SLX9: variants seen among roughly 807,000 people sequenced by gnomAD.
SLX9 encodes ribosome biogenesis protein SLX9 homolog.
In SLX9, 19 loss-of-function variants were observed where a neutral mutation model predicts 20.8. That is an observed-to-expected ratio of 0.91 (90% CI 0.64 to 1.34). The LOEUF (loss-of-function observed/expected upper bound fraction) is 1.34, where lower values mean the gene tolerates loss of function less well. Among genes scored for constraint, SLX9 ranks in the 40% most tolerant of loss-of-function variants. The pLI, the probability that SLX9 is intolerant of heterozygous loss-of-function variation, is 0.00. For synonymous variants in SLX9, 113 were observed against 137.1 expected, an observed-to-expected ratio of 0.82 and a Z score of 1.23; for missense variants, 299 against 322.2, an observed-to-expected ratio of 0.93 and a Z score of 0.55.
chr21:44,948,288 C>T (rs1568930314), intron 2 of SLX9, among the ~76,000 whole-genome samples: 5 of 139,646 alleles, frequency 3.6e-5, no homozygotes, highest in African/African-American at 8.3e-5. Context: ...GGGAGCTGGT[C>T]GTGGAGCATC....
intron 2 of SLX9, 150 bp from the exon 3 acceptor site, chr21:44,959,950 C>T (rs2084924709): frequency 1.4e-6 from 1 of 692,530 alleles, no homozygotes; most frequent in Non-Finnish European, 2.6e-6. Flanking sequence ...CTGGTGCTGT[C>T]CAGAGCCGGG....
At chr21:44,971,361 G>T (rs570356953) in intron 4 of SLX9, among the ~76,000 whole-genome samples, 5 of 121,350 alleles carry the variant, frequency 4.1e-5, no homozygotes, top group African/African-American at 1.6e-4. Flanking sequence ...CTCTGTCCCC[G>T]GGGCCCTGAA....
chr21:44,939,733 C>T (rs2084503490), upstream of SLX9: 1 of 509,852 alleles, frequency 2.0e-6, no homozygotes, highest in Non-Finnish European at 3.8e-6. Flanking sequence ...AAGGCCATCT[C>T]GACTGCCGCG....
chr21:44,976,582 C>G, intron 5 of SLX9, 98 bp from the exon 6 acceptor site: 1 of 1,500,122 alleles, frequency 6.7e-7, no homozygotes, highest in Non-Finnish European at 9.0e-7. Context: ...TGGCCCCAGG[C>G]CTCTGCCATT....
At chr21:44,947,496 G>A (rs1426282220) in intron 2 of SLX9, among the ~76,000 whole-genome samples, 2 of 150,370 alleles carry the variant, frequency 1.3e-5, no homozygotes, top group Non-Finnish European at 3.0e-5. Context: ...GCCCTGGGAA[G>A]TGGTGGGGCT....
intron 2 of SLX9, among the ~76,000 whole-genome samples, chr21:44,944,052 G>T (rs1229688970): frequency 6.6e-6 from 1 of 152,246 alleles, no homozygotes; most frequent in Non-Finnish European, 1.5e-5. Flanking sequence ...AGCTCTGCAA[G>T]AACTGCTCTG....
intron 2 of SLX9, among the ~76,000 whole-genome samples, chr21:44,957,373 G>A (rs1158044464): frequency 6.6e-6 from 1 of 152,166 alleles, no homozygotes. Context: ...TCGTGAGCCC[G>A]GTGCCTCTAT....
chr21:44,960,293 G>C, intron 3 of SLX9, 125 bp downstream of exon 3: 1 of 885,280 alleles, frequency 1.1e-6, no homozygotes, highest in Non-Finnish European at 1.8e-6. Context: ...TGCCCAAGGG[G>C]ATCACCCAAG....
chr21:44,966,750 G>C (rs752419417), intron 3 of SLX9, among the ~76,000 whole-genome samples: 1 of 152,236 alleles, frequency 6.6e-6, no homozygotes, highest in African/African-American at 2.4e-5. Context: ...CGCGTGCTCC[G>C]GCCACAGTTG....
chr21:44,972,567 A>G (rs2085170784), intron 4 of SLX9, among the ~76,000 whole-genome samples: 2 of 152,154 alleles, frequency 1.3e-5, no homozygotes, highest in African/African-American at 4.8e-5. Context: ...CACCCCCCGC[A>G]GGTGCAGGCA....
chr21:44,947,783 T>TGGG (rs1340249815), intron 2 of SLX9, among the ~76,000 whole-genome samples: 1 of 152,144 alleles, frequency 6.6e-6, no homozygotes, highest in East Asian at 1.9e-4. Context: ...GGTGCAGGGC[T>TGGG]GAGGCTGGCC....
intron 4 of SLX9, among the ~76,000 whole-genome samples, chr21:44,969,458 GGCTCTGGGCCGGGAAGGCACATCT>G (rs886417712): frequency 3.3e-5 from 5 of 152,214 alleles, no homozygotes; most frequent in African/African-American, 1.2e-4. Flanking sequence ...CTCCCTGCGG[GGCTCTGGGCCGGGAAGGCACATCT>G]GCTCTCAGCC....
intron 5 of SLX9, among the ~76,000 whole-genome samples, chr21:44,976,191 G>A (rs763908418): frequency 2.6e-5 from 4 of 152,260 alleles, no homozygotes; most frequent in African/African-American, 9.6e-5. Context: ...GGCGGCTGGG[G>A]TGAGCTGGTG....
At position 44,940,041 on chromosome 21, in the gene SLX9, C is replaced by T. The variant is rs1466706965; in HGVS notation, c.-17C>T. On this transcript the variant is annotated 5_prime_UTR_variant, in exon 1 of 6. Transcript: ENST00000291634. ...TCCGGGAGGCGCTCCGCACGTTTGC[C>T]GTGCTCCGCCGGGAAGATGGGGAAA... 5 of 1,433,578 alleles carry T rather than the reference C, an allele frequency of 3.5e-6. No homozygotes were observed. The highest frequency in any genetic ancestry group is 1.5e-5 in the African/African-American group (1 of 66,708). The allele number at this position is 1,433,578 out of a possible 1,614,324, so 88.8% of individuals were successfully genotyped here.
chr21:44,948,694 C>T (rs567792386), intron 2 of SLX9, among the ~76,000 whole-genome samples: 16 of 152,248 alleles, frequency 1.1e-4, no homozygotes, highest in African/African-American at 2.9e-4. Context: ...GCATGAGAGG[C>T]GCCGGTGGTG....
chr21:44,950,505 GC>G (rs2084736626), intron 2 of SLX9, among the ~76,000 whole-genome samples: 1 of 152,226 alleles, frequency 6.6e-6, no homozygotes, highest in African/African-American at 2.4e-5. Context: ...CTGCGCTCCT[GC>G]AGAGAGTGTG....
At chr21:44,966,942 C>A in intron 3 of SLX9, 92 bp from the exon 4 acceptor site, 1 of 1,498,420 alleles carries the variant, frequency 6.7e-7, no homozygotes. Flanking sequence ...CAGGGCCGGG[C>A]ACCCTGCCAG....
chr21:44,970,996 G>A (rs1443672761), intron 4 of SLX9, among the ~76,000 whole-genome samples: 1 of 152,232 alleles, frequency 6.6e-6, no homozygotes, highest in Non-Finnish European at 1.5e-5. Flanking sequence ...GGCAGGGCCC[G>A]TGTTTGGGGT....
intron 2 of SLX9, among the ~76,000 whole-genome samples, chr21:44,957,394 C>T (rs1029963640): frequency 2.6e-5 from 4 of 152,238 alleles, no homozygotes; most frequent in Non-Finnish European, 4.4e-5. Context: ...GCAGATCGCT[C>T]CGTGGCAGCT....
Sources: allele counts gnomAD v4.1 joint callset (sites outside exome capture counted in the v4.1 genomes callset), GRCh38; gene constraint gnomAD v4.1.1; transcripts MANE v1.5; gene names NCBI Gene and HGNC (gene_info 2026-07-23, HGNC 2026-07-21).